The following OSBPL10 variants were observed in gnomAD, a reference collection of about 807,000 sequenced individuals.
The protein encoded by OSBPL10 is oxysterol-binding protein-related protein 10.
Under a neutral mutation model 81.7 loss-of-function variants are expected in OSBPL10, and 49 were observed. That is an observed-to-expected ratio of 0.60 (90% confidence interval 0.48 to 0.76). The LOEUF (loss-of-function observed/expected upper bound fraction) is 0.76, where lower values mean the gene tolerates loss of function less well. Among genes scored for constraint, OSBPL10 ranks in the 30% least tolerant of loss-of-function variants. The pLI, the probability that OSBPL10 is intolerant of heterozygous loss-of-function variation, is 0.00. For synonymous variants in OSBPL10, 419 were observed against 383.6 expected, an observed-to-expected ratio of 1.09 and a Z score of -1.08; for missense variants, 923 against 987.8, an observed-to-expected ratio of 0.93 and a Z score of 0.88.
chr3:31,681,400 C>T (rs2125541906), intron 8 of OSBPL10, among the ~76,000 whole-genome samples: 1 of 152,312 alleles, frequency 6.6e-6, no homozygotes, highest in Non-Finnish European at 1.5e-5. Context: ...AAAACAGTAC[C>T]ATTGCATGCA....
At chr3:31,691,463 T>A (rs1695547813) in intron 7 of OSBPL10, among the ~76,000 whole-genome samples, 1 of 152,158 alleles carries the variant, frequency 6.6e-6, no homozygotes, top group Non-Finnish European at 1.5e-5. Context: ...CTCAGACCCA[T>A]GATCCCAGCA....
intron 5 of OSBPL10, among the ~76,000 whole-genome samples, chr3:31,734,856 G>A (rs1697101983): frequency 6.6e-6 from 1 of 152,218 alleles, no homozygotes; most frequent in Non-Finnish European, 1.5e-5. Flanking sequence ...CATGACTCAT[G>A]AACTAAAATT....
intron 8 of OSBPL10, among the ~76,000 whole-genome samples, chr3:31,680,888 GC>G (rs1700623582): frequency 6.6e-6 from 1 of 152,180 alleles, no homozygotes; most frequent in African/African-American, 2.4e-5. Flanking sequence ...CTTGTCAACA[GC>G]AGGAAAAGCC....
intron 1 of OSBPL10, among the ~76,000 whole-genome samples, chr3:31,925,454 A>T (rs56376585): frequency 0.12 from 17,766 of 151,688 alleles, 1,123 homozygotes; most frequent in Middle Eastern, 0.18. Flanking sequence ...GGACTACCAG[A>T]GTGACTGTTA....
chr3:31,923,576 G>A (rs1490115372), intron 1 of OSBPL10, among the ~76,000 whole-genome samples: 1 of 151,972 alleles, frequency 6.6e-6, no homozygotes, highest in African/African-American at 2.4e-5. Context: ...GATCACTTGA[G>A]CCCAAAAGTT....
In OSBPL10 at chr3:31,799,507, T is replaced by C. The variant is rs537598858; in HGVS notation, c.729+30533A>G. 5.4e-4 allele frequency among the ~76,000 whole-genome samples: 82 copies of C among 151,344 alleles called. 1 individual carries two copies. The highest frequency in any genetic ancestry group is 8.8e-5 in the Non-Finnish European group (6 of 67,828). On this transcript the variant is annotated intron_variant, in intron 4 of 11. Coordinates refer to ENST00000396556, the MANE Select transcript of OSBPL10 (RefSeq NM_017784.5). ...CTGACTTTGGGCAAGTTATTTAACC[T>C]CTCTTAGCCTCTAGTGCCTCGTTTG...
At chr3:31,674,525 AC>A (rs765365480) in intron 8 of OSBPL10, among the ~76,000 whole-genome samples, 2 of 152,076 alleles carry the variant, frequency 1.3e-5, no homozygotes, top group Non-Finnish European at 2.9e-5. Flanking sequence ...ACGTCACTGC[AC>A]TCCAGCCTGG....
Position 32,048,157 on chromosome 3 carries a change from G to A in OSBPL10, n.186-1554C>T, listed in dbSNP as rs542565389. 3.9e-5 allele frequency among the ~76,000 whole-genome samples: 6 copies of A among 151,984 alleles called. No individual in the cohort carries two copies. The East Asian group carries it at 5.8e-4, about 15-fold the overall frequency. ...CCCCACATCTCTTCCTCTAACCACC[G>A]CACTTGGCAGTTCCTATTAATTTTG... On this transcript the variant is annotated intron_variant and non_coding_transcript_variant, in intron 1 of 3. Coordinates refer to the OSBPL10 transcript ENST00000479173.
At chr3:31,965,894 TTATA>T (rs1296278166) in intron 1 of OSBPL10, among the ~76,000 whole-genome samples, 10 of 78,282 alleles carry the variant, frequency 1.3e-4, no homozygotes, top group Non-Finnish European at 1.8e-4. Context: ...ATAACATATA[TTATA>T]TATTATATAA....
intron 4 of OSBPL10, among the ~76,000 whole-genome samples, chr3:31,821,191 G>T (rs1699976610): frequency 6.6e-6 from 1 of 152,002 alleles, no homozygotes; most frequent in African/African-American, 2.4e-5. Flanking sequence ...ACAATGAGTT[G>T]AGGATTGGTG....
chr3:31,677,973 C>T (rs557370193), intron 8 of OSBPL10, among the ~76,000 whole-genome samples: 2 of 148,444 alleles, frequency 1.3e-5, no homozygotes, highest in Non-Finnish European at 3.0e-5. Flanking sequence ...CCCAGCTACT[C>T]GGGAGGCTGA....
At chr3:31,679,502 G>A (rs561289257) in intron 8 of OSBPL10, among the ~76,000 whole-genome samples, 6 of 152,260 alleles carry the variant, frequency 3.9e-5, no homozygotes, top group African/African-American at 1.2e-4. Context: ...AGATTTATTC[G>A]AGCCACCACT....
At chr3:32,067,075 C>A (rs1342271521) in intron 1 of OSBPL10, among the ~76,000 whole-genome samples, 2 of 152,070 alleles carry the variant, frequency 1.3e-5, no homozygotes, top group Non-Finnish European at 2.9e-5. Context: ...ATGCTGTTAC[C>A]TTTGTCCTGC....
At chr3:31,778,050 G>T (rs1698589869) in intron 4 of OSBPL10, among the ~76,000 whole-genome samples, 1 of 152,234 alleles carries the variant, frequency 6.6e-6, no homozygotes, top group Non-Finnish European at 1.5e-5. Flanking sequence ...GCTGGAGGAA[G>T]GACAGCAGAG....
At chr3:31,840,662 C>T (rs756682885) in intron 3 of OSBPL10, among the ~76,000 whole-genome samples, 17 of 152,224 alleles carry the variant, frequency 1.1e-4, no homozygotes, top group African/African-American at 3.4e-4. Flanking sequence ...CCTTATAAGT[C>T]GTGCGTCCAT....
At position 32,054,699 on chromosome 3, in the gene OSBPL10, GTTTTGTA is replaced by G. The variant is rs1575093478; in HGVS notation, n.186-8103_186-8097del. The stretch of plus-strand genomic sequence containing the variant: ...GGGGCGGGCCACTACGCCCAGCTAA[GTTTTGTA>G]TTTTTTAGTAGAGATGGGGTTTCAC... On this transcript the variant is annotated intron_variant and non_coding_transcript_variant, in intron 1 of 3. Coordinates refer to the OSBPL10 transcript ENST00000479173. Among the ~76,000 whole-genome samples, 3 of 151,634 alleles carry G rather than the reference GTTTTGTA, an allele frequency of 2.0e-5. No homozygotes were observed. The South Asian group carries it at 6.3e-4, about 32-fold the overall frequency.
At chr3:31,848,263 A>C (rs1453066492) in intron 3 of OSBPL10, among the ~76,000 whole-genome samples, 1 of 151,650 alleles carries the variant, frequency 6.6e-6, no homozygotes, top group Non-Finnish European at 1.5e-5. Context: ...TGACTCAGGC[A>C]CACGTTTTAC....
rs185623192 is a variant in OSBPL10 at position 31,811,185 on chromosome 3, G to T, written c.729+18855C>A. ...GGCAGTGCAGGATCACTGCAGAGGG[G>T]TTGGGGTGTGGGGGATGCTGGGGGT... is the stretch of plus-strand genomic sequence containing the variant. On this transcript the variant is annotated intron_variant, in intron 4 of 11. Coordinates refer to ENST00000396556, the MANE Select transcript of OSBPL10 (RefSeq NM_017784.5). Among the ~76,000 whole-genome samples the T allele has an allele frequency of 4.1e-3, 620 of 150,102 alleles. 12 individuals carry two copies. Among genetic ancestry groups the T allele is most frequent in the South Asian group, 0.037 (173 of 4,684 alleles).
chr3:32,005,015 T>G (rs1446658382), intron 2 of OSBPL10, among the ~76,000 whole-genome samples: 1 of 152,166 alleles, frequency 6.6e-6, no homozygotes, highest in Non-Finnish European at 1.5e-5. Flanking sequence ...CATACAGAAG[T>G]GGTATCACAC....
Sources: allele counts gnomAD v4.1 joint callset (sites outside exome capture counted in the v4.1 genomes callset), GRCh38; gene constraint gnomAD v4.1.1; transcripts MANE v1.5; gene names NCBI Gene and HGNC (gene_info 2026-07-23, HGNC 2026-07-21).